PAK2: variants seen among roughly 807,000 people sequenced by gnomAD.
The protein encoded by PAK2 is serine/threonine-protein kinase PAK 2.
PAK2 carries 21 observed loss-of-function variants against 65.9 expected under a neutral mutation model. That is an observed-to-expected ratio of 0.32 (90% CI 0.23 to 0.46). The LOEUF (loss-of-function observed/expected upper bound fraction) is 0.46, where lower values mean the gene tolerates loss of function less well. Ranked by LOEUF, PAK2 falls within the 20% of genes least tolerant of loss-of-function variation. The probability of loss-of-function intolerance (pLI) is 1.00; values close to 1 mark genes in which losing one functional copy is unlikely to be tolerated. For missense variants in PAK2, 324 were observed against 642.6 expected, an observed-to-expected ratio of 0.50 and a Z score of 5.36; for synonymous variants, 204 against 219.7, an observed-to-expected ratio of 0.93 and a Z score of 0.63.
chr3:196,823,495 G>A (rs1180765268), intron 13 of PAK2, among the ~76,000 whole-genome samples: 2 of 152,098 alleles, frequency 1.3e-5, no homozygotes, highest in South Asian at 2.1e-4. Context: ...TCAAAGATGG[G>A]CTGATCATCT....
chr3:196,803,294 C>G (rs1715478412), intron 4 of PAK2, 130 bp downstream of exon 4: 2 of 716,474 alleles, frequency 2.8e-6, no homozygotes, highest in East Asian at 2.8e-5. Flanking sequence ...TGGATAGATT[C>G]TACCTTTTGT....
In PAK2 at chr3:196,820,832, CCTT is replaced by C. The variant is rs991002613; in HGVS notation, c.1350+269_1350+271del. ...TGGAGCACCTGTCTCTAAAGCTTCT[CCTT>C]CTTTTATTTTTTAAGATGTTTTGAG... is the stretch of plus-strand genomic sequence containing the variant. On this transcript the variant is annotated intron_variant, in intron 13 of 14. Transcript: ENST00000327134. The surrounding 1 kb of genome is among the most constrained non-coding windows in gnomAD (Gnocchi z 4.6). Among the ~76,000 whole-genome samples the C allele has an allele frequency of 4.6e-5, 7 of 151,960 alleles. No individual in the cohort carries two copies. In the East Asian group the frequency reaches 1.2e-3, roughly 25 times the overall value.
intron 2 of PAK2, among the ~76,000 whole-genome samples, chr3:196,797,524 T>A (rs921296205): frequency 3.3e-5 from 5 of 151,108 alleles, no homozygotes; most frequent in Non-Finnish European, 7.4e-5. Context: ...GAGGCCGAAG[T>A]GGGTGGATCA....
intron 1 of PAK2, among the ~76,000 whole-genome samples, chr3:196,760,818 C>G (rs1183794808): frequency 1.3e-5 from 2 of 152,174 alleles, no homozygotes; most frequent in African/African-American, 4.8e-5. Flanking sequence ...AGTCGTGATT[C>G]AAAGTGTGAG....
intron 10 of PAK2, among the ~76,000 whole-genome samples, chr3:196,813,879 G>A (rs1276209525): frequency 6.6e-6 from 1 of 152,064 alleles, no homozygotes; most frequent in Non-Finnish European, 1.5e-5. Flanking sequence ...GAACCCAAGA[G>A]GTGGAGGCTG....
chr3:196,809,466 C>G (rs1258990936), intron 7 of PAK2, among the ~76,000 whole-genome samples: 6 of 146,784 alleles, frequency 4.1e-5, no homozygotes, highest in Non-Finnish European at 7.5e-5. Context: ...GCCTCAGCCT[C>G]CCGAGTAGCT....
At chr3:196,817,559 G>T (rs1711518249) in intron 11 of PAK2, among the ~76,000 whole-genome samples, 1 of 150,924 alleles carries the variant, frequency 6.6e-6, no homozygotes, top group Admixed American at 6.6e-5. Context: ...CACCATGTTG[G>T]CCAGGCTGGT....
chr3:196,798,049 A>G (rs1397538318), intron 2 of PAK2, among the ~76,000 whole-genome samples: 2 of 152,218 alleles, frequency 1.3e-5, no homozygotes, highest in African/African-American at 2.4e-5. Context: ...TTAATAAACT[A>G]GAAGGGAAGA....
At chr3:196,766,931 C>CGT (rs60929724) in intron 1 of PAK2, among the ~76,000 whole-genome samples, 18,730 of 134,094 alleles carry the variant, frequency 0.14, 1,372 homozygotes, top group Middle Eastern at 0.22. Flanking sequence ...AAGTACACCC[C>CGT]GTGTGTGTGT....
At chr3:196,769,706 A>T (rs534352258) in intron 1 of PAK2, among the ~76,000 whole-genome samples, 1 of 151,910 alleles carries the variant, frequency 6.6e-6, no homozygotes, top group East Asian at 1.9e-4. Flanking sequence ...AGTTCCAGCT[A>T]CTGGGGAAGC....
At chr3:196,759,086 A>C (rs1474050770) in intron 1 of PAK2, among the ~76,000 whole-genome samples, 1 of 152,230 alleles carries the variant, frequency 6.6e-6, no homozygotes, top group Non-Finnish European at 1.5e-5. Flanking sequence ...TTTGTCAGAC[A>C]TGAAGAGTAA....
In PAK2 at chr3:196,791,368, T is replaced by G. The variant is rs1331855287; in HGVS notation, c.187+8535T>G. On this transcript the variant is annotated intron_variant, in intron 2 of 14. Coordinates refer to ENST00000327134, the MANE Select transcript of PAK2 (RefSeq NM_002577.4). The surrounding 1 kb of genome is among the most constrained non-coding windows in gnomAD (Gnocchi z 4.0). ...GATTTTATGTTTATTTTGAATGATC[T>G]AATGTGGCTCTATCTCAAGTTCTGC... Among the ~76,000 whole-genome samples, 1 of 152,188 alleles carries G rather than the reference T, an allele frequency of 6.6e-6. No homozygotes were observed. The highest frequency in any genetic ancestry group is 1.5e-5 in the Non-Finnish European group (1 of 68,034).
rs150058351 is a variant in PAK2 at position 196,809,505 on chromosome 3, C to T, written c.710-1085C>T. On this transcript the variant is annotated intron_variant, in intron 7 of 14. Coordinates refer to ENST00000327134, the MANE Select transcript of PAK2 (RefSeq NM_002577.4). ...GCTACAGGTGTGCGCCACCACACCC[C>T]GCTAATTTTTGTAGTTTTAGTAGAG... Among the ~76,000 whole-genome samples the T allele has an allele frequency of 1.9e-3, 292 of 150,862 alleles. 1 individual carries two copies. The highest frequency in any genetic ancestry group is 6.5e-3 in the African/African-American group (269 of 41,238).
At chr3:196,823,970 G>A (rs542084020) in intron 13 of PAK2, among the ~76,000 whole-genome samples, 1 of 152,164 alleles carries the variant, frequency 6.6e-6, no homozygotes, top group Non-Finnish European at 1.5e-5. Flanking sequence ...ACCTTCACGT[G>A]TATCAGAGCC....
chr3:196,814,581 C>T lies in PAK2; in HGVS notation c.1053+13C>T, dbSNP rs1560115623. ...TGTATGCAGAGAGGTAGGTTTGCCT[C>T]CTTCTTGATATGTTATGGTGATATG... is the stretch of plus-strand genomic sequence containing the variant. On this transcript the variant is annotated intron_variant, in intron 11 of 14. Transcript: ENST00000327134. The T allele has an allele frequency of 9.8e-7, 1 of 1,023,480 alleles. No homozygotes were observed. Among genetic ancestry groups the T allele is most frequent in the Non-Finnish European group, 1.5e-6 (1 of 648,272 alleles). The allele number at this position is 1,023,480 out of a possible 1,614,324, so 63.4% of individuals were successfully genotyped here. A position where few individuals can be genotyped will look rare whatever the true frequency, so the allele number is the denominator to read the frequency against.
chr3:196,764,478 G>T (rs1297745708), intron 1 of PAK2, among the ~76,000 whole-genome samples: 1 of 151,886 alleles, frequency 6.6e-6, no homozygotes, highest in East Asian at 2.0e-4. Context: ...AATTAGCCAG[G>T]CATGGTGGCG....
Position 196,759,488 on chromosome 3 carries a change from GGTTTTTTTTGTTTTTTTTTT to G in PAK2, c.-22+19332_-22+19351del, listed in dbSNP as rs1713875964. Among the ~76,000 whole-genome samples, 2 of 111,112 alleles carry G rather than the reference GGTTTTTTTTGTTTTTTTTTT, an allele frequency of 1.8e-5. 1 individual carries two copies. Among genetic ancestry groups the G allele is most frequent in the African/African-American group, 7.4e-5 (2 of 27,076 alleles). 72.9% of individuals were successfully genotyped at this position (111,112 alleles called of 152,430 possible). ...CACCCTTTAAGGTATACAGTTAAGT[GGTTTTTTTTGTTTTTTTTTT>G]TTTTTTTTTTTTTTTTTTTTTTTTT... On this transcript the variant is annotated intron_variant, in intron 1 of 14. Transcript: ENST00000327134.
intron 8 of PAK2, among the ~76,000 whole-genome samples, chr3:196,811,937 G>C (rs760827531): frequency 1.3e-5 from 2 of 151,966 alleles, no homozygotes; most frequent in African/African-American, 2.4e-5. Flanking sequence ...ATCTTAATCA[G>C]GGAAGTGTAT....
intron 3 of PAK2, 47 bp downstream of exon 3, chr3:196,802,074 TCAAA>T: frequency 1.1e-6 from 1 of 931,186 alleles, no homozygotes; most frequent in South Asian, 1.4e-5. Context: ...AAAATAGCAC[TCAAA>T]CATTTTCCTT....
Sources: gnomAD v4.1 joint callset for allele counts (sites outside exome capture counted in the v4.1 genomes callset) on GRCh38, gnomAD v4.1.1 for gene constraint, Gnocchi (gnomAD v3.1) non-coding constraint, MANE v1.5 for transcripts, NCBI Gene and HGNC (gene_info 2026-07-23, HGNC 2026-07-21) for gene names.